The following COLQ variants were observed in gnomAD, a reference collection of about 807,000 sequenced individuals.
COLQ encodes the protein collagen like tail subunit of asymmetric acetylcholinesterase.
COLQ carries 48 observed loss-of-function variants against 69.0 expected under a neutral mutation model. That is an observed-to-expected ratio of 0.70 (90% CI 0.55 to 0.88). The LOEUF (loss-of-function observed/expected upper bound fraction) is 0.88. COLQ is among the 40% of genes least tolerant of loss of function. The pLI, the probability that COLQ is intolerant of heterozygous loss-of-function variation, is 0.00. For missense variants in COLQ, 618 were observed against 594.6 expected, an observed-to-expected ratio of 1.04 and a Z score of -0.41; for synonymous variants, 217 against 211.2, an observed-to-expected ratio of 1.03 and a Z score of -0.24.
intron 3 of COLQ, among the ~76,000 whole-genome samples, chr3:15,487,613 G>A (rs2062595620): frequency 6.6e-6 from 1 of 152,234 alleles, no homozygotes; most frequent in African/African-American, 2.4e-5. Context: ...GTCCCTCACC[G>A]ATGGAGCACC....
In COLQ at chr3:15,456,538, G is replaced by A; in HGVS notation, c.996C>T (p.Asn332=). ...VNNQEELERL[N]TQNAIAFRRD... Reference sequence around the variant, plus strand: ...TGCGGAAGGCAATGGCGTTTTGGGTGTTCAGCCTCTCAAGCTCCTCCTGGT... The same window carrying A: ...TGCGGAAGGCAATGGCGTTTTGGGTATTCAGCCTCTCAAGCTCCTCCTGGT... The change falls in exon 14 of 17, where the codon AAC becomes AAT. Residue 332 remains asparagine, a synonymous_variant. Coordinates refer to ENST00000383788, the MANE Select transcript of COLQ (RefSeq NM_005677.4). 1 of 1,614,148 alleles carries A rather than the reference G, an allele frequency of 6.2e-7. No individual in the cohort carries two copies. Among genetic ancestry groups the A allele is most frequent in the Middle Eastern group, 1.6e-4 (1 of 6,062 alleles).
Position 15,479,342 on chromosome 3 carries a change from T to A in COLQ, c.362A>T (p.Glu121Val). ...GAAGAAAGTAGTGGTCCATACCTTTTCTCCCTTTGGTCCTGTCTTGCCAGG... is the reference window on the plus strand; with the variant it reads ...GAAGAAAGTAGTGGTCCATACCTTTACTCCCTTTGGTCCTGTCTTGCCAGG... ...GLPGKTGPKG[E>V]KGELGRPGRK... The change falls in exon 4 of 17, where the codon GAA becomes GTA. Residue 121 changes from glutamate (E) to valine (V), a missense_variant. Physicochemically the swap from Glu to Val is moderately radical, Grantham distance 121. Coordinates refer to ENST00000383788, the MANE Select transcript of COLQ (RefSeq NM_005677.4). 1 of 1,614,054 alleles carries A rather than the reference T, an allele frequency of 6.2e-7. No homozygotes were observed. Among genetic ancestry groups the A allele is most frequent in the South Asian group, 1.1e-5 (1 of 91,072 alleles).
At chr3:15,480,832 C>G (rs910974039) in intron 3 of COLQ, among the ~76,000 whole-genome samples, 1 of 152,246 alleles carries the variant, frequency 6.6e-6, no homozygotes, top group African/African-American at 2.4e-5. Context: ...TCCACATCCT[C>G]TCCAGCACCT....
intron 14 of COLQ, 74 bp downstream of exon 14, chr3:15,456,386 G>T: frequency 6.3e-7 from 1 of 1,596,754 alleles, no homozygotes; most frequent in Non-Finnish European, 8.5e-7. Flanking sequence ...CAGTGGGGTG[G>T]CCTTCCCTTC....
At position 15,453,829 on chromosome 3, in the gene COLQ, C is replaced by A; in HGVS notation, c.1298G>T (p.Gly433Val). ...GYLTCETYLP[G>V]SYGDLQCTQY... is the part of the protein sequence containing the mutation. Reference sequence around the variant, plus strand: ...AGGGAGGGAGGGGAGTCATCCCTACCCAGGGAGATAGGTCTCGCATGTCAG... The same window carrying A: ...AGGGAGGGAGGGGAGTCATCCCTACACAGGGAGATAGGTCTCGCATGTCAG... The change falls in exon 16 of 17, where the codon GGG becomes GTG. Residue 433 changes from glycine (G) to valine (V), a missense_variant and splice_region_variant. Gly to Val is a moderately radical substitution (Grantham distance 109, BLOSUM62 -3). Coordinates refer to ENST00000383788, the MANE Select transcript of COLQ (RefSeq NM_005677.4). 6.2e-7 allele frequency: 1 copy of A among 1,603,616 alleles called. No individual in the cohort carries two copies. Among genetic ancestry groups the A allele is most frequent in the Non-Finnish European group, 8.5e-7 (1 of 1,172,984 alleles).
chr3:15,491,439 G>A (rs544983430), intron 1 of COLQ, among the ~76,000 whole-genome samples: 3 of 152,220 alleles, frequency 2.0e-5, no homozygotes, highest in South Asian at 4.1e-4. Context: ...AGCATCTGCC[G>A]ACCATCTCCA....
chr3:15,506,303 T>C (rs2062910149), intron 1 of COLQ, among the ~76,000 whole-genome samples: 1 of 152,228 alleles, frequency 6.6e-6, no homozygotes, highest in African/African-American at 2.4e-5. Context: ...GTGCTCCAGA[T>C]GAAAGGTAGT....
In COLQ at chr3:15,463,586, T is replaced by A. The variant is rs938094080; in HGVS notation, c.814+2755A>T. 5.3e-5 allele frequency among the ~76,000 whole-genome samples: 8 copies of A among 152,146 alleles called. No individual in the cohort carries two copies. The East Asian group carries it at 1.6e-3, about 30-fold the overall frequency. ...TGGTCTCGATCTCCTGACCTCATGATCTGCCCACCTCGGCCTTCCAAAGTG... is the reference window on the plus strand; with the variant it reads ...TGGTCTCGATCTCCTGACCTCATGAACTGCCCACCTCGGCCTTCCAAAGTG... On this transcript the variant is annotated intron_variant, in intron 12 of 16. Coordinates refer to ENST00000383788, the MANE Select transcript of COLQ (RefSeq NM_005677.4).
intron 1 of COLQ, among the ~76,000 whole-genome samples, chr3:15,492,673 A>C (rs1166224349): frequency 2.0e-5 from 3 of 152,206 alleles, no homozygotes; most frequent in African/African-American, 4.8e-5. Context: ...TCTCAAAAAA[A>C]AAAAAAATGC....
At position 15,498,476 on chromosome 3, in the gene COLQ, C is replaced by T. The variant is rs1042976213; in HGVS notation, c.107-8839G>A. 1.9e-6 allele frequency: 3 copies of T among 1,544,254 alleles called. No individual in the cohort carries two copies. The East Asian group carries it at 7.3e-5, about 38-fold the overall frequency. On this transcript the variant is annotated intron_variant, in intron 1 of 16. Coordinates refer to ENST00000383788, the MANE Select transcript of COLQ (RefSeq NM_005677.4). Reference sequence around the variant, plus strand: ...AAAACAATGCATGTGCATCCACACACACACACACACGTGCACACACGCACA... The same window carrying T: ...AAAACAATGCATGTGCATCCACACATACACACACACGTGCACACACGCACA...
At chr3:15,456,349 C>T (rs1460251667) in intron 14 of COLQ, 111 bp downstream of exon 14, 9 of 1,446,090 alleles carry the variant, frequency 6.2e-6, no homozygotes, top group South Asian at 6.2e-5. Flanking sequence ...CCCATGCAGA[C>T]AGACTGTAGA....
At chr3:15,469,256 G>C (rs2062245840) in intron 11 of COLQ, among the ~76,000 whole-genome samples, 1 of 152,098 alleles carries the variant, frequency 6.6e-6, no homozygotes, top group Non-Finnish European at 1.5e-5. Context: ...GGCCTTCCTG[G>C]CTTTGGTTAT....
intron 1 of COLQ, among the ~76,000 whole-genome samples, chr3:15,495,259 G>A (rs534825041): frequency 2.2e-4 from 34 of 152,330 alleles, no homozygotes; most frequent in African/African-American, 6.7e-4. Flanking sequence ...GGAAGGAACC[G>A]TGGGGCATCT....
At chr3:15,477,704 T>C (rs1250020810) in intron 5 of COLQ, 2 of 160,358 alleles carry the variant, frequency 1.2e-5, no homozygotes, top group African/African-American at 4.8e-5. Context: ...CAGTAATTTA[T>C]GTAACTCTCC....
chr3:15,520,284 C>A (rs1487763372), intron 1 of COLQ, among the ~76,000 whole-genome samples: 1 of 152,226 alleles, frequency 6.6e-6, no homozygotes, highest in Non-Finnish European at 1.5e-5. Context: ...CTTTCCTGCC[C>A]ACCCTCCTGA....
chr3:15,471,756 A>G (rs1359292892), intron 10 of COLQ, among the ~76,000 whole-genome samples: 1 of 152,200 alleles, frequency 6.6e-6, no homozygotes, highest in Non-Finnish European at 1.5e-5. Context: ...GTCCCTACCC[A>G]AGCCACCAAT....
chr3:15,455,416 CAG>C (rs2062010163), intron 15 of COLQ, among the ~76,000 whole-genome samples: 1 of 152,210 alleles, frequency 6.6e-6, no homozygotes, highest in African/African-American at 2.4e-5. Flanking sequence ...CCAGTTAAGG[CAG>C]CAGCCCACGA....
intron 12 of COLQ, among the ~76,000 whole-genome samples, chr3:15,460,843 T>C (rs1221966151): frequency 6.6e-6 from 1 of 151,950 alleles, no homozygotes; most frequent in Non-Finnish European, 1.5e-5. Flanking sequence ...CTTGGGGAAA[T>C]TGAAGTGGAA....
intron 10 of COLQ, among the ~76,000 whole-genome samples, chr3:15,472,592 T>C (rs933944794): frequency 1.3e-5 from 2 of 152,244 alleles, no homozygotes; most frequent in African/African-American, 4.8e-5. Flanking sequence ...GTCAATGTCT[T>C]ATGGCATGAG....
Sources: allele counts gnomAD v4.1 joint callset (sites outside exome capture counted in the v4.1 genomes callset), GRCh38; gene constraint gnomAD v4.1.1; transcripts MANE v1.5; gene names NCBI Gene and HGNC (gene_info 2026-07-23, HGNC 2026-07-21).